The following NUP98 variants were observed in gnomAD, a reference collection of about 807,000 sequenced individuals.
NUP98 encodes the protein nucleoporin 98 and 96 precursor, also known as nuclear pore complex protein Nup98-Nup96.
Under a neutral mutation model 191.9 loss-of-function variants are expected in NUP98, and 26 were observed. The observed-to-expected ratio is 0.14, with a 90% CI of 0.10 to 0.19. The LOEUF (loss-of-function observed/expected upper bound fraction) is 0.19. NUP98 is among the 10% of genes least tolerant of loss of function. The pLI is 1.00. For synonymous variants in NUP98, 808 were observed against 778.4 expected (o/e 1.04, Z -0.63); for missense variants, 1,941 against 2,178.8 (o/e 0.89, Z 2.17).
chr11:3,763,265 A>G (rs61877628), intron 8 of NUP98, among the ~76,000 whole-genome samples: 10,563 of 152,196 alleles, frequency 0.069, 386 homozygotes, highest in Middle Eastern at 0.1. Context: ...CAGCTCCTGA[A>G]TGGTAGGAAC....
rs966595245 is a variant in NUP98, at chr11:3,675,417, C to T, written c.*742G>A. The T allele has an allele frequency of 4.0e-5, 9 of 226,300 alleles. No individual in the cohort carries two copies. The highest frequency in any genetic ancestry group is 7.0e-5 in the Non-Finnish European group (8 of 113,846). The allele number at this position is 226,300 out of a possible 1,614,324, so 14.0% of individuals were successfully genotyped here. On this transcript the variant is annotated 3_prime_UTR_variant, in exon 33 of 33. Coordinates refer to ENST00000324932, the MANE Select transcript of NUP98 (RefSeq NM_016320.5). Reference sequence around the variant, plus strand: ...CTCTGCAGGCAAATCCAGACAGAGTCTCAGCAAGACTGAAAACCAGGGACC... The same window carrying T: ...CTCTGCAGGCAAATCCAGACAGAGTTTCAGCAAGACTGAAAACCAGGGACC...
intron 12 of NUP98, among the ~76,000 whole-genome samples, chr11:3,740,448 T>C (rs543481655): frequency 6.6e-6 from 1 of 151,560 alleles, no homozygotes; most frequent in African/African-American, 2.4e-5. Flanking sequence ...GAGGCGAAGG[T>C]TGCAGTGAGC....
intron 31 of NUP98, 97 bp downstream of exon 31, chr11:3,679,457 T>C (rs758636563): frequency 1.9e-5 from 26 of 1,337,546 alleles, no homozygotes; most frequent in Admixed American, 1.0e-4. Context: ...TCTCTGTCAG[T>C]GCATTCTCAA....
intron 1 of NUP98, among the ~76,000 whole-genome samples, chr11:3,783,235 A>C (rs980357623): frequency 6.7e-6 from 1 of 150,142 alleles, no homozygotes; most frequent in Non-Finnish European, 1.5e-5. Context: ...ACAAAAAATC[A>C]AAGTTGGACT....
intron 16 of NUP98, among the ~76,000 whole-genome samples, chr11:3,722,897 G>A (rs919093645): frequency 6.6e-6 from 1 of 151,952 alleles, no homozygotes; most frequent in African/African-American, 2.4e-5. Flanking sequence ...AGTCTCTTTG[G>A]CTATAAAATT....
At chr11:3,783,243 A>ACC (rs2133954945) in intron 1 of NUP98, among the ~76,000 whole-genome samples, 1 of 150,992 alleles carries the variant, frequency 6.6e-6, no homozygotes, top group East Asian at 2.0e-4. Context: ...TCAAAGTTGG[A>ACC]CTGGTGTGGT....
intron 16 of NUP98, chr11:3,721,093 C>T (rs2079383620): frequency 9.6e-6 from 2 of 207,452 alleles, no homozygotes; most frequent in South Asian, 1.4e-4. Flanking sequence ...GCCTATTAAA[C>T]TCTGCTTAAC....
chr11:3,778,900 C>T lies in NUP98; in HGVS notation c.328G>A (p.Ala110Thr), dbSNP rs772574353. 1.2e-6 allele frequency: 2 copies of T among 1,614,114 alleles called. No individual in the cohort carries two copies. The highest frequency in any genetic ancestry group is 2.2e-5 in the South Asian group (2 of 91,086). ...SLFSSQNNAF[A>T]QNKPTGFGNF... The stretch of plus-strand genomic sequence containing the variant: ...CCAAAGCCAGTTGGTTTATTTTGTG[C>T]AAAGGCATTGTTTTGGGATGAGAAG... The change falls in exon 4 of 33, where the codon GCA becomes ACA. Residue 110 changes from alanine to threonine, a missense_variant. Around this residue, in one of 6 missense-constraint regions of NUP98, gnomAD observed 154 missense variants for 182.9 expected, o/e 0.84. Transcript: ENST00000324932.
chr11:3,753,268 A>G (rs907947841), intron 11 of NUP98, 48 bp downstream of exon 11: 2 of 1,425,674 alleles, frequency 1.4e-6, no homozygotes, highest in Non-Finnish European at 2.0e-6. Context: ...CAGAAACTAG[A>G]AAGTCAAGCT....
intron 14 of NUP98, among the ~76,000 whole-genome samples, chr11:3,730,257 G>A (rs1454186158): frequency 1.3e-5 from 2 of 151,888 alleles, no homozygotes; most frequent in African/African-American, 4.8e-5. Context: ...AAAATGCTAG[G>A]ACAGACATAA....
At chr11:3,729,757 G>C (rs1193005342) in intron 14 of NUP98, among the ~76,000 whole-genome samples, 1 of 122,334 alleles carries the variant, frequency 8.2e-6, no homozygotes, top group African/African-American at 3.0e-5. Flanking sequence ...ACGTTTGACA[G>C]CAACACCACA....
intron 12 of NUP98, among the ~76,000 whole-genome samples, chr11:3,743,133 C>G (rs1232833592): frequency 6.6e-6 from 1 of 151,888 alleles, no homozygotes; most frequent in African/African-American, 2.4e-5. Flanking sequence ...ATTCTCCTGC[C>G]TCAGCCTCCT....
intron 29 of NUP98, among the ~76,000 whole-genome samples, chr11:3,684,445 C>G (rs1049755016): frequency 7.9e-5 from 12 of 152,218 alleles, no homozygotes; most frequent in African/African-American, 2.9e-4. Context: ...ATGACTTCCA[C>G]TGTCATCACA....
chr11:3,693,442 C>G, intron 26 of NUP98, 67 bp from the exon 27 acceptor site: 1 of 1,462,192 alleles, frequency 6.8e-7, no homozygotes. Context: ...TGCAATAACA[C>G]TGAAGTGAAT....
intron 16 of NUP98, among the ~76,000 whole-genome samples, chr11:3,721,492 G>C (rs2079399336): frequency 6.6e-6 from 1 of 152,152 alleles, no homozygotes; most frequent in Non-Finnish European, 1.5e-5. Context: ...GAGGCCAGGA[G>C]TCCAAGACAA....
intron 28 of NUP98, among the ~76,000 whole-genome samples, chr11:3,690,271 T>TA (rs1653828301): frequency 1.4e-5 from 2 of 141,262 alleles, no homozygotes; most frequent in South Asian, 4.5e-4. Context: ...TTTTTTTTTT[T>TA]ATTTTTGAGA....
intron 1 of NUP98, among the ~76,000 whole-genome samples, chr11:3,790,930 C>G (rs1349323545): frequency 4.7e-5 from 7 of 149,116 alleles, no homozygotes; most frequent in African/African-American, 1.5e-4. Context: ...GAGTCTGGCT[C>G]TGTTGCCCAG....
chr11:3,780,302 A>G (rs1469630166), intron 2 of NUP98, among the ~76,000 whole-genome samples: 9 of 150,276 alleles, frequency 6.0e-5, no homozygotes, highest in African/African-American at 2.0e-4. Flanking sequence ...AGGCCGAGGC[A>G]AGCAGATCAT....
chr11:3,780,886 C>G (rs923430005), intron 2 of NUP98, among the ~76,000 whole-genome samples: 1 of 151,924 alleles, frequency 6.6e-6, no homozygotes, highest in African/African-American at 2.4e-5. Flanking sequence ...TTGAGACCAC[C>G]CTGGCCAACA....
Sources: gnomAD v4.1 joint callset for allele counts (sites outside exome capture counted in the v4.1 genomes callset) on GRCh38, gnomAD v4.1.1 for gene constraint, gnomAD v4.1.1 regional missense constraint, MANE v1.5 for transcripts, NCBI Gene and HGNC (gene_info 2026-07-23, HGNC 2026-07-21) for gene names.